Variants in KCNH2 observed in about 807,000 individuals in gnomAD.
KCNH2 encodes potassium voltage-gated channel subfamily H member 2.
In KCNH2, 35 loss-of-function variants were observed where a neutral mutation model predicts 95.9. The ratio of observed to expected loss-of-function variants is 0.37; its 90% CI spans 0.28 to 0.48. KCNH2 has a LOEUF of 0.48. Among genes scored for constraint, KCNH2 ranks in the 20% least tolerant of loss-of-function variants. KCNH2 has a pLI of 0.99. For synonymous variants in KCNH2, 786 were observed against 754.7 expected (o/e 1.04, Z -0.68); for missense variants, 1,274 against 1,702.9 (o/e 0.75, Z 4.43).
chr7:150,976,862 G>A (rs1020703931), intron 1 of KCNH2, among the ~76,000 whole-genome samples: 1 of 147,786 alleles, frequency 6.8e-6, no homozygotes, highest in African/African-American at 2.5e-5. Context: ...TTGTTCCTCC[G>A]CTTCACACAA....
intron 2 of KCNH2, 51 bp downstream of exon 2, chr7:150,974,660 G>T: frequency 3.2e-6 from 1 of 314,866 alleles, no homozygotes; most frequent in East Asian, 1.1e-4. Flanking sequence ...CCGTGGTCCC[G>T]CCCCTCTTGA....
rs1584839525 is a variant in KCNH2 at position 150,945,582 on chromosome 7, C to T, written c.3331-68G>A. 5.4e-6 allele frequency: 8 copies of T among 1,489,940 alleles called. No individual in the cohort carries two copies. The East Asian group carries it at 2.0e-4, about 37-fold the overall frequency. 92.3% of individuals were successfully genotyped at this position (1,489,940 alleles called of 1,614,324 possible). On this transcript the variant is annotated intron_variant, in intron 14 of 14. Transcript: ENST00000262186. This position sits in a 1 kb window ranked among gnomAD's most constrained non-coding sequence, Gnocchi z 5.6. ...GGAGGAGGAAGGGGAGGGAAAGGGG[C>T]AGGAGAACCCGGGGACAGAGGATGG...
At chr7:150,968,723 A>T (rs1219359960) in intron 2 of KCNH2, among the ~76,000 whole-genome samples, 1 of 152,168 alleles carries the variant, frequency 6.6e-6, no homozygotes, top group Admixed American at 6.5e-5. Flanking sequence ...TATTTGGGGG[A>T]GAGGCAGGAC....
chr7:150,967,298 A>T lies in KCNH2; in HGVS notation c.307+7413T>A, dbSNP rs142671786. 2.0e-3 allele frequency among the ~76,000 whole-genome samples: 299 copies of T among 152,292 alleles called. 1 individual carries two copies. The highest frequency in any genetic ancestry group is 6.8e-3 in the Middle Eastern group (2 of 294). On this transcript the variant is annotated intron_variant, in intron 2 of 14. Transcript: ENST00000262186. ...CATCTGAAAAAATTAATTAATTAAT[A>T]AATAAAGTTTATGAAGAACAAGGGA...
At chr7:150,975,911 G>A (rs774594481) in intron 1 of KCNH2, among the ~76,000 whole-genome samples, 7 of 152,196 alleles carry the variant, frequency 4.6e-5, no homozygotes, top group Non-Finnish European at 5.9e-5. Context: ...CCTGCCCAGG[G>A]ATGTGAGGCC....
chr7:150,950,438 G>T lies in KCNH2; in HGVS notation c.2146-18C>A. On this transcript the variant is annotated intron_variant, in intron 8 of 14. Coordinates refer to ENST00000262186, the MANE Select transcript of KCNH2 (RefSeq NM_000238.4). Reference sequence around the variant, plus strand: ...TTCAGCACCTGGGGGCAGGGTGGGGGCAGCTCAGCACACCCTCCCTTGGGA... The same window carrying T: ...TTCAGCACCTGGGGGCAGGGTGGGGTCAGCTCAGCACACCCTCCCTTGGGA... The T allele has an allele frequency of 2.5e-6, 4 of 1,609,838 alleles. No homozygotes were observed. The highest frequency in any genetic ancestry group is 3.4e-6 in the Non-Finnish European group (4 of 1,179,818).
rs897358417 is a variant in KCNH2, at chr7:150,978,030, G to C, written c.-117C>G. The stretch of plus-strand genomic sequence containing the variant: ...TCCCCGCACCCCGCGGCCAAGCCGA[G>C]CACGGGCGCGGCCAAGACTGGACTG... On this transcript the variant is annotated 5_prime_UTR_variant, in exon 1 of 15. Coordinates refer to ENST00000262186, the MANE Select transcript of KCNH2 (RefSeq NM_000238.4). The C allele has an allele frequency of 1.6e-5, 6 of 383,116 alleles. No individual in the cohort carries two copies. In the Admixed American group the frequency reaches 2.6e-4, roughly 16 times the overall value. The allele number at this position is 383,116 out of a possible 1,614,324, so 23.7% of individuals were successfully genotyped here.
rs1165322354 is a variant in KCNH2 at position 150,947,057 on chromosome 7, G to A, written c.3153-3C>T. 3.4e-5 allele frequency: 54 copies of A among 1,592,274 alleles called. 1 individual carries two copies. Among genetic ancestry groups the A allele is most frequent in the African/African-American group, 5.4e-5 (4 of 74,352 alleles). ...CTGCACTCAGCCGGGTCTCCAGCCT[G>A]GGGCAGGAAGTGGGGGATGCTCAGA... On this transcript the variant is annotated splice_region_variant and splice_polypyrimidine_tract_variant and intron_variant, in intron 13 of 14. Transcript: ENST00000262186.
chr7:150,949,449 A>G, intron 9 of KCNH2: 3 of 826,808 alleles, frequency 3.6e-6, no homozygotes, highest in Non-Finnish European at 4.6e-6. Context: ...AAGAACATAC[A>G]GTAGTATAGC....
intron 2 of KCNH2, among the ~76,000 whole-genome samples, chr7:150,971,599 G>A (rs1348292967): frequency 6.6e-6 from 1 of 152,080 alleles, no homozygotes; most frequent in Non-Finnish European, 1.5e-5. Flanking sequence ...GGGGGACAAT[G>A]GGAGAGAGGG....
intron 1 of KCNH2, among the ~76,000 whole-genome samples, chr7:150,975,594 A>G (rs1224638720): frequency 1.3e-5 from 2 of 151,650 alleles, no homozygotes; most frequent in African/African-American, 4.9e-5. Context: ...AGGACGCTGC[A>G]TCTCATTAGG....
At chr7:150,949,721 C>T in intron 9 of KCNH2, 1 of 1,183,874 alleles carries the variant, frequency 8.4e-7, no homozygotes, top group African/African-American at 1.6e-5. Context: ...ACCCACTGTG[C>T]ACAGGCAGGG....
In KCNH2 at chr7:150,947,314, C is replaced by T; in HGVS notation, c.3152+14G>A. ...TCCAGGGCGTGCCCCCCCACCCCAC[C>T]TGCACTCCCTCACCTGTTGAGCTGG... is the stretch of plus-strand genomic sequence containing the variant. On this transcript the variant is annotated intron_variant, in intron 13 of 14. Transcript: ENST00000262186. 3 of 1,537,048 alleles carry T rather than the reference C, an allele frequency of 2.0e-6. No individual in the cohort carries two copies. Among genetic ancestry groups the T allele is most frequent in the Non-Finnish European group, 2.6e-6 (3 of 1,144,772 alleles).
In KCNH2 at chr7:150,950,189, C is replaced by T. The variant is rs781352799; in HGVS notation, c.2377G>A (p.Asp793Asn). Residue 793 changes from aspartate to asparagine, a missense_variant, in exon 9 of 15, where the codon GAC (aspartate) becomes AAC (asparagine). Asp to Asn is a conservative substitution (Grantham distance 23). Coordinates refer to ENST00000262186, the MANE Select transcript of KCNH2 (RefSeq NM_000238.4). ...SRGSIEILRG[D>N]VVVAILGKND... is the part of the protein sequence containing the mutation. ...ATACCCAGGATGGCCACGACGACGTCGCCCCGCAGGATCTCGATGGAGCCC... is the reference window on the plus strand; with the variant it reads ...ATACCCAGGATGGCCACGACGACGTTGCCCCGCAGGATCTCGATGGAGCCC... 4 of 1,372,064 alleles carry T rather than the reference C, an allele frequency of 2.9e-6. No homozygotes were observed. The highest frequency in any genetic ancestry group is 4.3e-5 in the East Asian group (1 of 23,234). 85.0% of individuals were successfully genotyped at this position (1,372,064 alleles called of 1,614,324 possible).
intron 2 of KCNH2, among the ~76,000 whole-genome samples, chr7:150,973,875 C>T (rs1174058548): frequency 6.6e-6 from 1 of 152,218 alleles, no homozygotes; most frequent in Non-Finnish European, 1.5e-5. Context: ...TTATGGGACA[C>T]ACGCTAGGAA....
intron 8 of KCNH2, 43 bp downstream of exon 8, chr7:150,950,878 C>G (rs756193223): frequency 1.3e-5 from 20 of 1,597,708 alleles, no homozygotes; most frequent in Non-Finnish European, 1.6e-5. Context: ...CCACCCCACT[C>G]TTCCCAGCCT....
intron 2 of KCNH2, 63 bp from the exon 3 acceptor site, chr7:150,959,799 C>T (rs1348634978): frequency 1.9e-6 from 3 of 1,595,948 alleles, no homozygotes; most frequent in Non-Finnish European, 2.6e-6. Context: ...GAAAGCCACG[C>T]AGGATGGACC....
At chr7:150,948,808 A>G (rs746785851) in intron 10 of KCNH2, 48 bp downstream of exon 10, 9 of 1,549,010 alleles carry the variant, frequency 5.8e-6, no homozygotes, top group Non-Finnish European at 8.0e-6. Flanking sequence ...GGGCAGCCAC[A>G]CAGCTGGAAG....
chr7:150,949,822 T>C, intron 9 of KCNH2: 6 of 1,247,820 alleles, frequency 4.8e-6, no homozygotes, highest in Non-Finnish European at 6.2e-6. Context: ...CACATGGCCC[T>C]TAGTGAAACC....
Sources: allele counts gnomAD v4.1 joint callset (sites outside exome capture counted in the v4.1 genomes callset), GRCh38; gene constraint gnomAD v4.1.1; non-coding constraint Gnocchi (gnomAD v3.1); transcripts MANE v1.5; gene names NCBI Gene and HGNC (gene_info 2026-07-23, HGNC 2026-07-21).